Variants in ANO7 observed in about 807,000 individuals in gnomAD.
ANO7 encodes anoctamin-7.
In ANO7, 114 loss-of-function variants were observed where a neutral mutation model predicts 115.8. The observed-to-expected ratio is 0.98, with a 90% CI of 0.85 to 1.15. ANO7 has a LOEUF of 1.15. Among genes scored for constraint, ANO7 ranks in the 50% most tolerant of loss-of-function variants. The pLI, the probability that ANO7 is intolerant of heterozygous loss-of-function variation, is 0.00. For synonymous variants in ANO7, 550 were observed against 498.2 expected (o/e 1.10, Z -1.38); for missense variants, 1,302 against 1,201.2 (o/e 1.08, Z -1.24).
At chr2:241,235,195 C>T in the ANO7 span, 126 of 1,614,072 alleles carry the variant, frequency 7.8e-5, no homozygotes, top group East Asian at 1.8e-4. Flanking sequence ...AAATTTGCAG[C>T]GAGGCCCGTG....
chr2:241,200,505 G>A (rs542877642), intron 6 of ANO7, among the ~76,000 whole-genome samples: 1 of 152,358 alleles, frequency 6.6e-6, no homozygotes, highest in South Asian at 2.1e-4. Flanking sequence ...GTGGTGGGGC[G>A]GCGCGGTACC....
Position 241,225,590 on chromosome 2 carries a change from C to T in ANO7, c.*1437C>T, listed in dbSNP as rs2069142487. On this transcript the variant is annotated 3_prime_UTR_variant, in exon 25 of 25. Coordinates refer to ENST00000674324, the MANE Select transcript of ANO7 (RefSeq NM_001370694.2). ...GCTTTGATGAGTACTGCCAAACTTA[C>T]TCCACAGAAAAGGCCTCTTTCTGAA... Among the ~76,000 whole-genome samples, 1 of 152,238 alleles carries T rather than the reference C, an allele frequency of 6.6e-6. No individual in the cohort carries two copies. Among genetic ancestry groups the T allele is most frequent in the African/African-American group, 2.4e-5 (1 of 41,456 alleles).
chr2:241,232,737 C>A, the ANO7 span, among the ~76,000 whole-genome samples: 1 of 152,056 alleles, frequency 6.6e-6, no homozygotes, highest in Non-Finnish European at 1.5e-5. Flanking sequence ...TCACTTCAAC[C>A]CGGGAGGCAG....
Position 241,216,034 on chromosome 2 carries a change from T to C in ANO7, c.1827-59T>C. On this transcript the variant is annotated intron_variant, in intron 18 of 24. Coordinates refer to ENST00000674324, the MANE Select transcript of ANO7 (RefSeq NM_001370694.2). ...CCGGCCACATCTCCCCCAAGGACTA[T>C]AGCAGCCACTGAGACCCATGTTGGA... 7.1e-6 allele frequency: 11 copies of C among 1,547,804 alleles called. No individual in the cohort carries two copies. In the South Asian group the frequency reaches 1.3e-4, roughly 18 times the overall value.
chr2:241,233,743 T>C, the ANO7 span: 2 of 1,558,282 alleles, frequency 1.3e-6, no homozygotes, highest in Non-Finnish European at 1.8e-6. This position sits in a 1 kb window ranked among gnomAD's most constrained non-coding sequence, Gnocchi z 4.3. Context: ...TCTAGGCACA[T>C]CTGGTTACTG....
At chr2:241,217,519 C>T (rs1324941837) in intron 19 of ANO7, 167 bp from the exon 20 acceptor site, 2 of 761,146 alleles carry the variant, frequency 2.6e-6, no homozygotes, top group African/African-American at 1.8e-5. Context: ...GGAGAGGCGG[C>T]CCTGGCGCTG....
At chr2:241,208,461 C>T (rs79348627) in intron 11 of ANO7, among the ~76,000 whole-genome samples, 136 of 152,304 alleles carry the variant, frequency 8.9e-4, no homozygotes, top group African/African-American at 3.1e-3. Flanking sequence ...TCTGTGTCTG[C>T]GTGCTGGTTC....
the ANO7 span, among the ~76,000 whole-genome samples, chr2:241,233,183 G>A: frequency 6.6e-6 from 1 of 152,188 alleles, no homozygotes; most frequent in Non-Finnish European, 1.5e-5. The surrounding 1 kb of genome is among the most constrained non-coding windows in gnomAD (Gnocchi z 4.3). Flanking sequence ...ACCCCAGCAG[G>A]ATGCCAGAGC....
chr2:241,226,647 A>G (rs535116854), downstream of ANO7, among the ~76,000 whole-genome samples: 23 of 152,060 alleles, frequency 1.5e-4, no homozygotes, highest in East Asian at 4.5e-3. Context: ...GATGGTCTTG[A>G]TCTCCTGACC....
chr2:241,217,428 T>C (rs2068857386), intron 19 of ANO7, among the ~76,000 whole-genome samples: 1 of 152,230 alleles, frequency 6.6e-6, no homozygotes, highest in Admixed American at 6.5e-5. Context: ...AGTTAGTTCC[T>C]GAGCTCACCG....
chr2:241,222,832 G>A (rs2069057706), intron 21 of ANO7, among the ~76,000 whole-genome samples: 1 of 152,118 alleles, frequency 6.6e-6, no homozygotes, highest in African/African-American at 2.4e-5. Context: ...AGCAATCGGC[G>A]GATTTTCACC....
chr2:241,213,207 G>A lies in ANO7; in HGVS notation c.1728+581G>A, dbSNP rs555649930. On this transcript the variant is annotated intron_variant, in intron 17 of 24. Coordinates refer to ENST00000674324, the MANE Select transcript of ANO7 (RefSeq NM_001370694.2). ...AGGGGCTGGCCTCCTCATGGCACACGGCCCGCAGGGGCTGGCCTCCTCATG... is the reference window on the plus strand; with the variant it reads ...AGGGGCTGGCCTCCTCATGGCACACAGCCCGCAGGGGCTGGCCTCCTCATG... Among the ~76,000 whole-genome samples the A allele has an allele frequency of 7.9e-3, 1,017 of 128,014 alleles. 11 individuals are homozygous for A. The highest frequency in any genetic ancestry group is 0.044 in the African/African-American group (946 of 21,472). 84.0% of individuals were successfully genotyped at this position (128,014 alleles called of 152,430 possible). A position where few individuals can be genotyped will look rare whatever the true frequency, so the allele number is the denominator to read the frequency against.
rs75626661 is a variant in ANO7, at chr2:241,203,222, C to G, written c.724-111C>G. ...CTATTTTTTCTTCATGGAGCAATCC[C>G]AGACTCCCAGGCCTGTCTGCCCATG... On this transcript the variant is annotated intron_variant, in intron 8 of 24. Transcript: ENST00000674324. The surrounding 1 kb of genome is among the most constrained non-coding windows in gnomAD (Gnocchi z 4.8). 1.4e-3 allele frequency: 1,182 copies of G among 874,194 alleles called. 10 individuals are homozygous for G. In the African/African-American group the frequency reaches 0.018, roughly 13 times the overall value. The allele number at this position is 874,194 out of a possible 1,614,324, so 54.2% of individuals were successfully genotyped here. A position where few individuals can be genotyped will look rare whatever the true frequency, so the allele number is the denominator to read the frequency against.
Position 241,210,352 on chromosome 2 carries a change from A to G in ANO7, c.1417A>G (p.Ile473Val), listed in dbSNP as rs1474859527. 2 of 1,613,940 alleles carry G rather than the reference A, an allele frequency of 1.2e-6. No individual in the cohort carries two copies. Among genetic ancestry groups the G allele is most frequent in the Non-Finnish European group, 1.7e-6 (2 of 1,179,988 alleles). Residue 473 changes from isoleucine (I) to valine (V), a missense_variant, in exon 14 of 25, where the codon ATC (isoleucine) becomes GTC (valine). Ile to Val is a conservative substitution (Grantham distance 29, BLOSUM62 3). Coordinates refer to ENST00000674324, the MANE Select transcript of ANO7 (RefSeq NM_001370694.2). ...SIILYRAIMA[I>V]VVSRSGNTLL... ...CATCCTGTACCGTGCCATCATGGCC[A>G]TCGTGGTGTCCAGGTCGGGCAACAC...
At chr2:241,221,378 CCTATT>C (rs2069009171) in intron 21 of ANO7, among the ~76,000 whole-genome samples, 1 of 150,534 alleles carries the variant, frequency 6.6e-6, no homozygotes, top group Non-Finnish European at 1.5e-5. Context: ...TCACGCCCGT[CCTATT>C]CTCTTTTTTC....
At chr2:241,205,553 C>T (rs1430957574) in intron 10 of ANO7, among the ~76,000 whole-genome samples, 1 of 118,192 alleles carries the variant, frequency 8.5e-6, no homozygotes, top group Non-Finnish European at 1.7e-5. Flanking sequence ...CACAGGTGGA[C>T]AGGAGTGCTC....
intron 6 of ANO7, 101 bp downstream of exon 6, chr2:241,200,326 T>A: frequency 6.8e-7 from 1 of 1,463,648 alleles, no homozygotes; most frequent in Non-Finnish European, 9.1e-7. Context: ...TCTCCTCACC[T>A]GGAGTTTTCG....
intron 17 of ANO7, 178 bp downstream of exon 17, chr2:241,212,804 T>A (rs2068745042): frequency 1.6e-6 from 1 of 639,756 alleles, no homozygotes. Flanking sequence ...TCACCACTTA[T>A]TCTGACCCCC....
chr2:241,193,540 C>T (rs981812635), intron 3 of ANO7, among the ~76,000 whole-genome samples: 1 of 152,064 alleles, frequency 6.6e-6, no homozygotes, highest in African/African-American at 2.4e-5. Context: ...CTACCAGAAG[C>T]TCCCCACCCT....
Sources: allele counts gnomAD v4.1 joint callset (sites outside exome capture counted in the v4.1 genomes callset), GRCh38; gene constraint gnomAD v4.1.1; non-coding constraint Gnocchi (gnomAD v3.1); transcripts MANE v1.5; gene names NCBI Gene and HGNC (gene_info 2026-07-23, HGNC 2026-07-21).